The following CRIP2 variants were observed in gnomAD, a reference collection of about 807,000 sequenced individuals.
CRIP2 encodes cysteine-rich protein 2.
A neutral mutation model predicts 31.3 loss-of-function variants in CRIP2; 31 were observed. The ratio of observed to expected loss-of-function variants is 0.99; its 90% confidence interval spans 0.74 to 1.34. The LOEUF (loss-of-function observed/expected upper bound fraction) is 1.34, where lower values mean the gene tolerates loss of function less well. Among genes scored for constraint, CRIP2 ranks in the 40% most tolerant of loss-of-function variants. CRIP2 has a pLI of 0.00. For missense variants in CRIP2, 389 were observed against 301.6 expected, an observed-to-expected ratio of 1.29 and a Z score of -2.15; for synonymous variants, 177 against 127.2, an observed-to-expected ratio of 1.39 and a Z score of -2.63.
rs1335649385 is a variant in CRIP2, at chr14:105,479,450, C to T, written c.516C>T (p.Pro172=). 4 of 1,612,886 alleles carry T rather than the reference C, an allele frequency of 2.5e-6. No homozygotes were observed. Among genetic ancestry groups the T allele is most frequent in the Middle Eastern group, 1.6e-4 (1 of 6,062 alleles). ...TTCTGCCCCAGCACGACGGCCAGCC[C>T]TACTGCCACAAGCCCTGCTATGGAA... is the stretch of plus-strand genomic sequence containing the variant. The part of the protein sequence containing the change: ...PGGHAEHDGQ[P]YCHKPCYGIL... The change falls in exon 7 of 8, where the codon CCC becomes CCT. Residue 172 remains proline, a synonymous_variant. Coordinates refer to ENST00000329146, the MANE Select transcript of CRIP2 (RefSeq NM_001312.4).
chr14:105,476,682 G>C (rs587618988), intron 1 of CRIP2: 1 of 985,544 alleles, frequency 1.0e-6, no homozygotes, highest in African/African-American at 1.7e-5. Flanking sequence ...TAGCCACCGA[G>C]ACTTCCTTGC....
chr14:105,473,633 C>A, upstream of CRIP2: 1 of 1,284,094 alleles, frequency 7.8e-7, no homozygotes, highest in Non-Finnish European at 1.1e-6. Context: ...CAGGCCGACG[C>A]TCAGCTGGGG....
At position 105,478,849 on chromosome 14, in the gene CRIP2, C is replaced by A; in HGVS notation, c.315C>A (p.Gly105=). The A allele has an allele frequency of 1.4e-6, 2 of 1,425,190 alleles. No homozygotes were observed. The highest frequency in any genetic ancestry group is 9.1e-7 in the Non-Finnish European group (1 of 1,100,082). The allele number at this position is 1,425,190 out of a possible 1,614,324, so 88.3% of individuals were successfully genotyped here. The change falls in exon 4 of 8, where the codon GGC becomes GGA. Residue 105 remains glycine (G), a synonymous_variant. Coordinates refer to ENST00000329146, the MANE Select transcript of CRIP2 (RefSeq NM_001312.4). The surrounding 1 kb of genome is among the most constrained non-coding windows in gnomAD (Gnocchi z 4.9). ...AARAEERKAS[G]PPKGPSRASS... ...GAGCAGAGGAGCGGAAGGCGAGCGG[C>A]CCCCCGAAGGGGCCCAGCAGAGGTG... is the stretch of plus-strand genomic sequence containing the variant.
chr14:105,477,541 G>C (rs1164052700), intron 1 of CRIP2: 2 of 984,420 alleles, frequency 2.0e-6, no homozygotes, highest in South Asian at 4.7e-5. Context: ...GGGCGTGTCA[G>C]TGCGAGGCAG....
chr14:105,478,442 C>G lies in CRIP2; in HGVS notation c.139-8C>G. Reference sequence around the variant, plus strand: ...AGGCAGGGTCCTGACCCGCGCCCCTCTGCGCAGCATGACGGGAAGCCGTTC... The same window carrying G: ...AGGCAGGGTCCTGACCCGCGCCCCTGTGCGCAGCATGACGGGAAGCCGTTC... On this transcript the variant is annotated splice_polypyrimidine_tract_variant and splice_region_variant and intron_variant, in intron 2 of 7. Coordinates refer to ENST00000329146, the MANE Select transcript of CRIP2 (RefSeq NM_001312.4). This position sits in a 1 kb window ranked among gnomAD's most constrained non-coding sequence, Gnocchi z 4.9. The G allele has an allele frequency of 6.2e-7, 1 of 1,603,078 alleles. No homozygotes were observed. The highest frequency in any genetic ancestry group is 8.5e-7 in the Non-Finnish European group (1 of 1,177,962).
upstream of CRIP2, chr14:105,473,081 A>C: frequency 1.1e-5 from 8 of 756,754 alleles, no homozygotes; most frequent in African/African-American, 1.7e-5. Flanking sequence ...CAGGGAGGGT[A>C]ATGGCTTAGC....
intron 1 of CRIP2, chr14:105,476,813 G>T (rs1158216594): frequency 2.8e-5 from 27 of 974,486 alleles, no homozygotes; most frequent in Non-Finnish European, 8.5e-6. Flanking sequence ...CTTGTGGTTG[G>T]GCTGGTGTCC....
chr14:105,479,489 C>T lies in CRIP2; in HGVS notation c.555C>T (p.Pro185=), dbSNP rs782481300. The change falls in exon 7 of 8, where the codon CCC becomes CCT. Residue 185 remains proline (P), a synonymous_variant. Coordinates refer to ENST00000329146, the MANE Select transcript of CRIP2 (RefSeq NM_001312.4). ...CCTGCTATGGAATCCTCTTCGGACCCAAGGGTGAGTGTAGCCAGGGTGGTC... is the reference window on the plus strand; with the variant it reads ...CCTGCTATGGAATCCTCTTCGGACCTAAGGGTGAGTGTAGCCAGGGTGGTC... ...HKPCYGILFG[P]KGVNTGAVGS... 2.4e-5 allele frequency: 38 copies of T among 1,613,006 alleles called. No homozygotes were observed. The highest frequency in any genetic ancestry group is 3.0e-5 in the Non-Finnish European group (35 of 1,179,954).
intron 1 of CRIP2, chr14:105,477,528 CA>C (rs2083959146): frequency 7.1e-6 from 7 of 984,252 alleles, no homozygotes; most frequent in Non-Finnish European, 8.4e-6. Context: ...TGGTGGGGAT[CA>C]GGGGCGTGTC....
rs1555436358 is a variant in CRIP2 at position 105,478,345 on chromosome 14, CG to C, written c.128del (p.Gly43AlafsTer25). 4 of 1,561,086 alleles carry C rather than the reference CG, an allele frequency of 2.6e-6. No homozygotes were observed. The highest frequency in any genetic ancestry group is 2.3e-5 in the East Asian group (1 of 42,690). On this transcript the variant is annotated frameshift_variant, in exon 2 of 8. Coordinates refer to ENST00000329146, the MANE Select transcript of CRIP2 (RefSeq NM_001312.4). LOFTEE classifies it high-confidence loss of function. The surrounding 1 kb of genome is among the most constrained non-coding windows in gnomAD (Gnocchi z 4.9). The part of the protein sequence containing the change: ...CERCSKTLTP[G>X]GHAEHDGKPF... The stretch of plus-strand genomic sequence containing the variant: ...AGCGCTGCAGCAAGACGCTGACGCC[CG>C]GGGGCCACGCCGAGGTGAGCCCCAC...
intron 1 of CRIP2, chr14:105,476,571 C>A (rs1270628309): frequency 1.2e-4 from 118 of 985,410 alleles, no homozygotes; most frequent in Non-Finnish European, 1.3e-4. Flanking sequence ...TTGACCCACC[C>A]AGTGGGTCTG....
rs1555436346 is a variant in CRIP2, at chr14:105,478,315, G to A, written c.93G>A (p.Lys31=). ...LGKDWHKFCL[K]CERCSKTLTP... ...AGGACTGGCACAAGTTCTGCCTCAAGTGCGAGCGCTGCAGCAAGACGCTGA... is the reference window on the plus strand; with the variant it reads ...AGGACTGGCACAAGTTCTGCCTCAAATGCGAGCGCTGCAGCAAGACGCTGA... Residue 31 remains lysine (K), a synonymous_variant, in exon 2 of 8, where the codon AAG becomes AAA. Transcript: ENST00000329146. This position sits in a 1 kb window ranked among gnomAD's most constrained non-coding sequence, Gnocchi z 4.9. 6 of 1,573,134 alleles carry A rather than the reference G, an allele frequency of 3.8e-6. No individual in the cohort carries two copies. Among genetic ancestry groups the A allele is most frequent in the African/African-American group, 1.4e-5 (1 of 72,884 alleles).
In CRIP2 at chr14:105,479,714, G is replaced by C. The variant is rs1370442822; in HGVS notation, c.*61G>C. 1.9e-6 allele frequency: 3 copies of C among 1,543,368 alleles called. No homozygotes were observed. The Admixed American group carries it at 5.6e-5, about 29-fold the overall frequency. The stretch of plus-strand genomic sequence containing the variant: ...CCCCAGACCCTGCAGGGGCCCCCCT[G>C]CTTGGCTCTGCTGGGAGAGTGCTCA... On this transcript the variant is annotated 3_prime_UTR_variant, in exon 8 of 8. Transcript: ENST00000329146.
chr14:105,478,315 G>C lies in CRIP2; in HGVS notation c.93G>C (p.Lys31Asn). The C allele has an allele frequency of 6.4e-7, 1 of 1,573,134 alleles. No individual in the cohort carries two copies. Among genetic ancestry groups the C allele is most frequent in the Non-Finnish European group, 8.6e-7 (1 of 1,162,052 alleles). The stretch of plus-strand genomic sequence containing the variant: ...AGGACTGGCACAAGTTCTGCCTCAA[G>C]TGCGAGCGCTGCAGCAAGACGCTGA... ...LGKDWHKFCL[K>N]CERCSKTLTP... Residue 31 changes from lysine (K) to asparagine (N), a missense_variant, in exon 2 of 8, where the codon AAG becomes AAC. Coordinates refer to ENST00000329146, the MANE Select transcript of CRIP2 (RefSeq NM_001312.4). This position sits in a 1 kb window ranked among gnomAD's most constrained non-coding sequence, Gnocchi z 4.9.
chr14:105,473,756 T>C (rs2083880015), upstream of CRIP2, among the ~76,000 whole-genome samples: 2 of 152,028 alleles, frequency 1.3e-5, no homozygotes, highest in South Asian at 4.1e-4. Context: ...GGCACTGTGG[T>C]GAGGCGTGGT....
At chr14:105,477,663 G>T in intron 1 of CRIP2, 1 of 955,970 alleles carries the variant, frequency 1.0e-6, no homozygotes, top group Non-Finnish European at 1.3e-6. Context: ...ATATGTGTGG[G>T]GGGAGGCAGG....
intron 1 of CRIP2, chr14:105,477,153 C>T (rs2083948970): frequency 2.0e-6 from 1 of 503,620 alleles, no homozygotes; most frequent in South Asian, 8.6e-5. Flanking sequence ...CCCTTCCCTT[C>T]AGAATTCCGG....
At chr14:105,479,396 G>C in intron 6 of CRIP2, 40 bp from the exon 7 acceptor site, 1 of 1,611,482 alleles carries the variant, frequency 6.2e-7, no homozygotes, top group South Asian at 1.1e-5. Flanking sequence ...GGTCGGGGGA[G>C]TCTGTGGACT....
intron 1 of CRIP2, chr14:105,476,557 G>A: frequency 1.0e-6 from 1 of 985,476 alleles, no homozygotes; most frequent in Non-Finnish European, 1.2e-6. Flanking sequence ...GTAATGTGTG[G>A]CCATTGACCC....
Sources: allele counts gnomAD v4.1 joint callset (sites outside exome capture counted in the v4.1 genomes callset), GRCh38; gene constraint gnomAD v4.1.1; non-coding constraint Gnocchi (gnomAD v3.1); transcripts MANE v1.5; gene names NCBI Gene and HGNC (gene_info 2026-07-23, HGNC 2026-07-21).